Variants in EIF6 observed in about 807,000 individuals in gnomAD.
EIF6 encodes B4 integrin interactor.
In EIF6, 10 loss-of-function variants were observed where a neutral mutation model predicts 25.5. The ratio of observed to expected loss-of-function variants is 0.39; its 90% CI spans 0.24 to 0.66. The LOEUF is 0.66. EIF6 is among the 30% of genes least tolerant of loss of function. The pLI, the probability that EIF6 is intolerant of heterozygous loss-of-function variation, is 0.45. For synonymous variants in EIF6, 122 were observed against 122.6 expected (o/e 1.00, Z 0.03); for missense variants, 246 against 315.4 (o/e 0.78, Z 1.67).
rs982453194 is a variant in EIF6, at chr20:35,279,083, C to G, written c.*114G>C. ...AGGGTTGGGTGCCCAGCCCCTCAGT[C>G]CCAGTGAGCTCTCTGCCACCTCCCT... is the stretch of plus-strand genomic sequence containing the variant. On this transcript the variant is annotated 3_prime_UTR_variant, in exon 7 of 7. Coordinates refer to ENST00000374450, the MANE Select transcript of EIF6 (RefSeq NM_002212.4). 7.2e-7 allele frequency: 1 copy of G among 1,392,594 alleles called. No individual in the cohort carries two copies. Among genetic ancestry groups the G allele is most frequent in the Non-Finnish European group, 1.0e-6 (1 of 987,636 alleles). 86.3% of individuals were successfully genotyped at this position (1,392,594 alleles called of 1,614,324 possible). A position where few individuals can be genotyped will look rare whatever the true frequency, so the allele number is the denominator to read the frequency against.
Position 35,279,156 on chromosome 20 carries a change from A to T in EIF6, c.*41T>A. Reference sequence around the variant, plus strand: ...GCGGAATGTGGAGAAGGTTGGCCACAGTCCAGAGCCAGGAGCCCATGGAAC... The same window carrying T: ...GCGGAATGTGGAGAAGGTTGGCCACTGTCCAGAGCCAGGAGCCCATGGAAC... On this transcript the variant is annotated 3_prime_UTR_variant, in exon 7 of 7. Transcript: ENST00000374450. The T allele has an allele frequency of 6.2e-7, 1 of 1,613,778 alleles. No individual in the cohort carries two copies. The highest frequency in any genetic ancestry group is 2.2e-5 in the East Asian group (1 of 44,872).
chr20:35,283,159 C>T (rs1300287296), intron 3 of EIF6, among the ~76,000 whole-genome samples: 3 of 151,820 alleles, frequency 2.0e-5, no homozygotes, highest in South Asian at 2.1e-4. Flanking sequence ...CCGGGTGTGG[C>T]GGGATGCGCC....
intron 3 of EIF6, among the ~76,000 whole-genome samples, chr20:35,281,178 A>T (rs1313254599): frequency 6.6e-6 from 1 of 152,120 alleles, no homozygotes; most frequent in African/African-American, 2.4e-5. Flanking sequence ...CAGGAGATCG[A>T]GATCGAGATC....
In EIF6 at chr20:35,278,928, G is replaced by C; in HGVS notation, c.*269C>G. 1.8e-6 allele frequency: 1 copy of C among 540,816 alleles called. No homozygotes were observed. The allele number at this position is 540,816 out of a possible 1,614,324, so 33.5% of individuals were successfully genotyped here. On this transcript the variant is annotated 3_prime_UTR_variant, in exon 7 of 7. Coordinates refer to ENST00000374450, the MANE Select transcript of EIF6 (RefSeq NM_002212.4). ...ACATCACATTCAGAATGGCCCGGAGGGAACTGCACTTTAATGGGGTGGCAC... is the reference window on the plus strand; with the variant it reads ...ACATCACATTCAGAATGGCCCGGAGCGAACTGCACTTTAATGGGGTGGCAC...
intron 1 of EIF6, 30 bp downstream of exon 1, chr20:35,284,696 C>A: frequency 1.6e-6 from 1 of 614,180 alleles, no homozygotes; most frequent in Non-Finnish European, 2.8e-6. Context: ...CCGGAGCTGA[C>A]CCTCCCAGGT....
intron 1 of EIF6, 79 bp downstream of exon 1, chr20:35,284,647 G>A (rs577742617): frequency 1.2e-6 from 1 of 843,504 alleles, no homozygotes; most frequent in East Asian, 2.7e-5. Context: ...AGAACCTCCG[G>A]CCCTGAATCC....
At position 35,280,792 on chromosome 20, in the gene EIF6, G is replaced by T. The variant is rs752870740; in HGVS notation, c.231C>A (p.Thr77=). 6.2e-7 allele frequency: 1 copy of T among 1,614,090 alleles called. No individual in the cohort carries two copies. The highest frequency in any genetic ancestry group is 1.3e-5 in the African/African-American group (1 of 75,044). ...RHGLLVPNNT[T]DQELQHIRNS... ...TGCGAATGTGTTGCAGCTCCTGGTC[G>T]GTGGTATTGTTGGGTACCAGGAGAC... Residue 77 remains threonine (T), a synonymous_variant, in exon 4 of 7, where the codon ACC becomes ACA. Transcript: ENST00000374450.
intron 2 of EIF6, 45 bp from the exon 3 acceptor site, chr20:35,284,306 ACCCTCCCAC>A: frequency 6.2e-7 from 1 of 1,612,584 alleles, no homozygotes; most frequent in Non-Finnish European, 8.5e-7. Context: ...AGGGGCCGGC[ACCCTCCCAC>A]TGCCGGAGCT....
intron 1 of EIF6, 59 bp from the exon 2 acceptor site, chr20:35,284,551 C>A: frequency 6.5e-7 from 1 of 1,540,010 alleles, no homozygotes; most frequent in South Asian, 1.2e-5. Context: ...GTATCCCGGC[C>A]TCCGTCCCTC....
intron 3 of EIF6, among the ~76,000 whole-genome samples, chr20:35,283,287 C>CA (rs199899332): frequency 1.1e-3 from 149 of 137,102 alleles, no homozygotes; most frequent in African/African-American, 3.3e-3. Context: ...AACTCCATCT[C>CA]AAAAAAAAAT....
chr20:35,280,815 G>A lies in EIF6; in HGVS notation c.208C>T (p.Leu70Phe), dbSNP rs755930457. The A allele has an allele frequency of 3.1e-6, 5 of 1,613,962 alleles. 1 individual carries two copies. Among genetic ancestry groups the A allele is most frequent in the Non-Finnish European group, 4.2e-6 (5 of 1,179,976 alleles). ...TCGGTGGTATTGTTGGGTACCAGGA[G>A]ACCGTGCCTGTTCCCTGGAGAAACC... ...GRMCVGNRHG[L>F]LVPNNTTDQE... The change falls in exon 4 of 7, where the codon CTC becomes TTC. Residue 70 changes from leucine to phenylalanine, a missense_variant. Leu to Phe is a conservative substitution (Grantham distance 22). Coordinates refer to ENST00000374450, the MANE Select transcript of EIF6 (RefSeq NM_002212.4).
intron 4 of EIF6, 55 bp from the exon 5 acceptor site, chr20:35,280,173 G>C: frequency 1.9e-6 from 3 of 1,581,256 alleles, no homozygotes; most frequent in Non-Finnish European, 1.7e-6. Context: ...CCAGAACCAA[G>C]GTTCTCCATG....
At position 35,280,644 on chromosome 20, in the gene EIF6, G is replaced by GCTGCCTCACC; in HGVS notation, c.369_369+9dup. 6.2e-7 allele frequency: 1 copy of GCTGCCTCACC among 1,611,970 alleles called. No individual in the cohort carries two copies. Among genetic ancestry groups the GCTGCCTCACC allele is most frequent in the Non-Finnish European group, 8.5e-7 (1 of 1,179,038 alleles). Reference sequence around the variant, plus strand: ...CCCTGTGACTCTTGGGTCAAGTTGGGCTGCCTCACCCTGTCCAAGTCTGGG... The same window carrying GCTGCCTCACC: ...CCCTGTGACTCTTGGGTCAAGTTGGGCTGCCTCACCCTGCCTCACCCTGTCCAAGTCTGGG... On this transcript the variant is annotated intron_variant, in intron 4 of 6. Transcript: ENST00000374450.
rs1226737943 is a variant in EIF6 at position 35,278,940 on chromosome 20, T to G, written c.*257A>C. 28 of 560,394 alleles carry G rather than the reference T, an allele frequency of 5.0e-5. No homozygotes were observed. Among genetic ancestry groups the G allele is most frequent in the Non-Finnish European group, 6.4e-6 (2 of 312,068 alleles). The allele number at this position is 560,394 out of a possible 1,614,324, so 34.7% of individuals were successfully genotyped here. On this transcript the variant is annotated 3_prime_UTR_variant, in exon 7 of 7. Coordinates refer to ENST00000374450, the MANE Select transcript of EIF6 (RefSeq NM_002212.4). ...GAATGGCCCGGAGGGAACTGCACTT[T>G]AATGGGGTGGCACAGGACAGCAGAA...
chr20:35,280,701 T>C lies in EIF6; in HGVS notation c.322A>G (p.Thr108Ala). Residue 108 changes from threonine (T) to alanine (A), a missense_variant, in exon 4 of 7, where the codon ACC (threonine) becomes GCC (alanine). Transcript: ENST00000374450. ...EERLSALGNVTTCNDYVALVH... is the reference protein window; with the variant it reads ...EERLSALGNVATCNDYVALVH... ...AAGGCCACGTAGTCATTGCAGGTGG[T>C]GACATTGCCCAAGGCTGAGAGCCGC... 1 of 1,613,780 alleles carries C rather than the reference T, an allele frequency of 6.2e-7. No homozygotes were observed. Among genetic ancestry groups the C allele is most frequent in the South Asian group, 1.1e-5 (1 of 90,950 alleles).
At chr20:35,284,131 T>A in intron 3 of EIF6, 45 bp downstream of exon 3, 1 of 1,542,684 alleles carries the variant, frequency 6.5e-7, no homozygotes, top group Non-Finnish European at 8.7e-7. Context: ...TAATTAATGG[T>A]GCTTGGAGAC....
Position 35,284,179 on chromosome 20 carries a change from C to T in EIF6, c.190G>A (p.Val64Met). The T allele has an allele frequency of 6.3e-7, 1 of 1,592,098 alleles. No individual in the cohort carries two copies. Among genetic ancestry groups the T allele is most frequent in the Non-Finnish European group, 8.6e-7 (1 of 1,168,712 alleles). ...CGGCGTCCTCCACCTGCCTTACCCACACACATGCGCCCGATGATGCGGCAG... is the reference window on the plus strand; with the variant it reads ...CGGCGTCCTCCACCTGCCTTACCCATACACATGCGCCCGATGATGCGGCAG... ...AGCRIIGRMCVGNRHGLLVPN... is the reference protein window; with the variant it reads ...AGCRIIGRMCMGNRHGLLVPN... The change falls in exon 3 of 7, where the codon GTG becomes ATG. Residue 64 changes from valine (V) to methionine (M), a missense_variant. Physicochemically the swap from Val to Met is conservative, Grantham distance 21. Transcript: ENST00000374450.
intron 4 of EIF6, 107 bp downstream of exon 4, chr20:35,280,547 G>A (rs2146261459): frequency 7.3e-7 from 1 of 1,372,684 alleles, no homozygotes; most frequent in Non-Finnish European, 9.9e-7. Flanking sequence ...AGCCCATATA[G>A]AAAAACCACA....
At position 35,279,552 on chromosome 20, in the gene EIF6, G is replaced by A. The variant is rs747169504; in HGVS notation, c.728+14C>T. On this transcript the variant is annotated intron_variant, in intron 6 of 6. Transcript: ENST00000374450. ...CCCCAACCCTGAGCAGAAGAAAGGAGAGGCCCCAGGTACCTGTCAATGAGG... is the reference window on the plus strand; with the variant it reads ...CCCCAACCCTGAGCAGAAGAAAGGAAAGGCCCCAGGTACCTGTCAATGAGG... 3.7e-6 allele frequency: 6 copies of A among 1,613,088 alleles called. No homozygotes were observed. In the South Asian group the frequency reaches 6.6e-5, roughly 18 times the overall value.
Sources: gnomAD v4.1 joint callset for allele counts (sites outside exome capture counted in the v4.1 genomes callset) on GRCh38, gnomAD v4.1.1 for gene constraint, MANE v1.5 for transcripts, NCBI Gene and HGNC (gene_info 2026-07-23, HGNC 2026-07-21) for gene names.